Variants in CAMTA1 observed in about 807,000 individuals in gnomAD.
The protein encoded by CAMTA1 is calmodulin binding transcription activator 1.
CAMTA1 carries 27 observed loss-of-function variants against 170.9 expected under a neutral mutation model. That is an observed-to-expected ratio of 0.16 (90% CI 0.12 to 0.22). The LOEUF (loss-of-function observed/expected upper bound fraction) is 0.22, where lower values mean the gene tolerates loss of function less well. Ranked by LOEUF, CAMTA1 falls within the 10% of genes least tolerant of loss-of-function variation. The pLI is 1.00. For missense variants in CAMTA1, 1,619 were observed against 2,217.2 expected, an observed-to-expected ratio of 0.73 and a Z score of 5.42; for synonymous variants, 833 against 891.5, an observed-to-expected ratio of 0.93 and a Z score of 1.17.
chr1:6,787,521 A>AGT (rs1474983360), intron 1 of CAMTA1, among the ~76,000 whole-genome samples: 5 of 152,222 alleles, frequency 3.3e-5, no homozygotes, highest in Non-Finnish European at 4.4e-5. Flanking sequence ...TTACATATAC[A>AGT]GTGCACAGGA....
intron 1 of CAMTA1, among the ~76,000 whole-genome samples, chr1:6,799,355 C>T (rs1039738843): frequency 2.0e-5 from 3 of 152,326 alleles, no homozygotes; most frequent in East Asian, 3.9e-4. Context: ...AGGCATGAGC[C>T]GCTGTGCCTG....
rs2095364056 is a variant in CAMTA1 at position 7,592,665 on chromosome 1, G to C, written c.511-47735G>C. ...GTTGCTGCATGAGTTGCCTCTGGGA[G>C]GCTTTGGGTCAGGTCGGAAGCTTGT... On this transcript the variant is annotated intron_variant, in intron 6 of 22. Coordinates refer to ENST00000303635, the MANE Select transcript of CAMTA1 (RefSeq NM_015215.4). The surrounding 1 kb of genome is among the most constrained non-coding windows in gnomAD (Gnocchi z 4.6). Among the ~76,000 whole-genome samples the C allele has an allele frequency of 6.6e-6, 1 of 152,110 alleles. No individual in the cohort carries two copies. Among genetic ancestry groups the C allele is most frequent in the South Asian group, 2.1e-4 (1 of 4,820 alleles).
intron 3 of CAMTA1, among the ~76,000 whole-genome samples, chr1:6,896,995 A>G (rs1675790212): frequency 6.6e-6 from 1 of 152,200 alleles, no homozygotes; most frequent in Non-Finnish European, 1.5e-5. Context: ...TTTAGAACTG[A>G]GACCTAGAGA....
At chr1:6,893,264 GA>G (rs1049751196) in intron 3 of CAMTA1, among the ~76,000 whole-genome samples, 20 of 151,856 alleles carry the variant, frequency 1.3e-4, no homozygotes, top group African/African-American at 4.8e-4. Context: ...CCATCTCGAG[GA>G]AAAAAAGAAA....
chr1:6,984,500 G>C (rs1429720690), intron 3 of CAMTA1, among the ~76,000 whole-genome samples: 1 of 152,070 alleles, frequency 6.6e-6, no homozygotes, highest in Admixed American at 6.5e-5. Context: ...TGAAATCCCA[G>C]CTAGTCAGGA....
chr1:7,671,049 G>GC lies in CAMTA1; in HGVS notation c.2779+18dup, dbSNP rs752024866. ...CTGCTACTGCCCAGGTGAGAAAGCC[G>GC]CCCCCCAGGCCCCCAAGGTGAGTGT... On this transcript the variant is annotated intron_variant, in intron 10 of 22. Coordinates refer to ENST00000303635, the MANE Select transcript of CAMTA1 (RefSeq NM_015215.4). The GC allele has an allele frequency of 1.1e-4, 182 of 1,611,998 alleles. No homozygotes were observed. In the Middle Eastern group the frequency reaches 5.0e-3, roughly 44 times the overall value.
chr1:7,136,090 A>T (rs1026918922), intron 4 of CAMTA1, among the ~76,000 whole-genome samples: 2 of 151,534 alleles, frequency 1.3e-5, no homozygotes, highest in Non-Finnish European at 2.9e-5. Flanking sequence ...TCCCTACCCC[A>T]GGCCCTGGTG....
intron 3 of CAMTA1, among the ~76,000 whole-genome samples, chr1:6,993,586 C>T (rs891576526): frequency 5.9e-5 from 9 of 152,160 alleles, no homozygotes; most frequent in African/African-American, 2.2e-4. Flanking sequence ...TGTAATGCCT[C>T]CCTGATTAAT....
At chr1:6,952,943 A>G (rs182021271) in intron 3 of CAMTA1, among the ~76,000 whole-genome samples, 56 of 152,330 alleles carry the variant, frequency 3.7e-4, no homozygotes, top group African/African-American at 1.3e-3. Context: ...CTCATCACCC[A>G]GAGGCCACCG....
Position 7,680,905 on chromosome 1 carries a change from C to T in CAMTA1, c.2914+3172C>T, listed in dbSNP as rs1388694625. Among the ~76,000 whole-genome samples, 2 of 138,340 alleles carry T rather than the reference C, an allele frequency of 1.4e-5. No homozygotes were observed. The highest frequency in any genetic ancestry group is 1.7e-5 in the Non-Finnish European group (1 of 60,494). 90.8% of individuals were successfully genotyped at this position (138,340 alleles called of 152,430 possible). ...CAGCTGCTGCGGCGAAGTCTTTGTCCCCGCGGCGCAGCCTTTGTCCCCGCG... is the reference window on the plus strand; with the variant it reads ...CAGCTGCTGCGGCGAAGTCTTTGTCTCCGCGGCGCAGCCTTTGTCCCCGCG... On this transcript the variant is annotated intron_variant, in intron 11 of 22. Coordinates refer to ENST00000303635, the MANE Select transcript of CAMTA1 (RefSeq NM_015215.4). This position sits in a 1 kb window ranked among gnomAD's most constrained non-coding sequence, Gnocchi z 4.4.
intron 6 of CAMTA1, among the ~76,000 whole-genome samples, chr1:7,489,816 G>A (rs1470757566): frequency 6.6e-6 from 1 of 152,178 alleles, no homozygotes; most frequent in African/African-American, 2.4e-5. Context: ...CCTTCGGCCA[G>A]CATCCCATGA....
intron 10 of CAMTA1, chr1:7,671,947 G>A (rs929660127): frequency 8.8e-6 from 4 of 454,328 alleles, no homozygotes; most frequent in African/African-American, 4.0e-5. Flanking sequence ...AGATTGTGAC[G>A]GAATGAATGA....
rs905091103 is a variant in CAMTA1 at position 7,065,137 on chromosome 1, C to T, written c.235-26167C>T. On this transcript the variant is annotated intron_variant, in intron 3 of 22. Coordinates refer to ENST00000303635, the MANE Select transcript of CAMTA1 (RefSeq NM_015215.4). This position sits in a 1 kb window ranked among gnomAD's most constrained non-coding sequence, Gnocchi z 5.2. ...GGGAGGCCACATAGGCTAGCAGATC[C>T]TGGGCCAGGAGCTCCCAGAAGGACC... Among the ~76,000 whole-genome samples the T allele has an allele frequency of 5.3e-5, 8 of 152,168 alleles. No individual in the cohort carries two copies. Among genetic ancestry groups the T allele is most frequent in the African/African-American group, 1.7e-4 (7 of 41,444 alleles).
intron 5 of CAMTA1, among the ~76,000 whole-genome samples, chr1:7,420,879 C>T (rs369673096): frequency 3.9e-5 from 6 of 152,180 alleles, no homozygotes; most frequent in African/African-American, 1.2e-4. Context: ...GTGCTGACAT[C>T]ATCCTGGACT....
intron 6 of CAMTA1, among the ~76,000 whole-genome samples, chr1:7,508,083 T>A (rs2094147361): frequency 1.3e-5 from 2 of 152,240 alleles, no homozygotes; most frequent in Non-Finnish European, 2.9e-5. Flanking sequence ...TCTCATCAAA[T>A]CGGTTCCGTA....
chr1:7,219,724 G>A (rs1660403006), intron 4 of CAMTA1, among the ~76,000 whole-genome samples: 1 of 151,876 alleles, frequency 6.6e-6, no homozygotes, highest in African/African-American at 2.4e-5. Context: ...CCCATGATAG[G>A]ATTAGTGCCC....
intron 6 of CAMTA1, among the ~76,000 whole-genome samples, chr1:7,486,720 A>T (rs2093623025): frequency 6.6e-6 from 1 of 152,198 alleles, no homozygotes; most frequent in South Asian, 2.1e-4. Context: ...CATCAGGGTC[A>T]TGGCAGTGCC....
At chr1:7,319,230 G>A (rs1220101162) in intron 5 of CAMTA1, among the ~76,000 whole-genome samples, 5 of 152,106 alleles carry the variant, frequency 3.3e-5, no homozygotes, top group Non-Finnish European at 7.4e-5. Flanking sequence ...GGGTGAGATA[G>A]TGATATGGTT....
chr1:7,480,216 TGTAC>T (rs201981408), intron 6 of CAMTA1, among the ~76,000 whole-genome samples: 1,595 of 146,508 alleles, frequency 0.011, 35 homozygotes, highest in African/African-American at 0.039. Context: ...AGTGCATGTG[TGTAC>T]GTGTGTGTGA....
Sources: allele counts gnomAD v4.1 joint callset (sites outside exome capture counted in the v4.1 genomes callset), GRCh38; gene constraint gnomAD v4.1.1; non-coding constraint Gnocchi (gnomAD v3.1); transcripts MANE v1.5; gene names NCBI Gene and HGNC (gene_info 2026-07-23, HGNC 2026-07-21).